DPYD: variants seen among roughly 807,000 people sequenced by gnomAD.
The protein encoded by DPYD is dihydropyrimidine dehydrogenase.
In DPYD, 109 loss-of-function variants were observed where a neutral mutation model predicts 116.2. That is an observed-to-expected ratio of 0.94 (90% confidence interval 0.80 to 1.10). The LOEUF is 1.10. Among genes scored for constraint, DPYD ranks in the 50% least tolerant of loss-of-function variants. The pLI is 0.00. For missense variants in DPYD, 1,302 were observed against 1,254.5 expected (o/e 1.04, Z -0.57); for synonymous variants, 440 against 432.0 (o/e 1.02, Z -0.23).
intron 3 of DPYD, among the ~76,000 whole-genome samples, chr1:97,745,976 T>C (rs1664528707): frequency 6.6e-6 from 1 of 151,986 alleles, no homozygotes; most frequent in Non-Finnish European, 1.5e-5. Flanking sequence ...TACAGTATTA[T>C]CTCTCCTGGA....
chr1:97,844,963 G>A (rs1328099468), intron 2 of DPYD, among the ~76,000 whole-genome samples: 2 of 152,216 alleles, frequency 1.3e-5, no homozygotes, highest in Non-Finnish European at 2.9e-5. Flanking sequence ...CAGCAGTGCT[G>A]ACAGGCCAGC....
chr1:97,911,053 G>A (rs1454080174), intron 1 of DPYD, among the ~76,000 whole-genome samples: 1 of 151,848 alleles, frequency 6.6e-6, no homozygotes, highest in East Asian at 1.9e-4. Context: ...TCACACAAAA[G>A]TTTCACCTAA....
chr1:97,482,497 A>G (rs1678378773), intron 13 of DPYD, among the ~76,000 whole-genome samples: 1 of 152,316 alleles, frequency 6.6e-6, no homozygotes, highest in Non-Finnish European at 1.5e-5. Context: ...GTATACTTAA[A>G]TTCTACCTTT....
At chr1:97,469,069 A>G (rs1472922911) in intron 13 of DPYD, among the ~76,000 whole-genome samples, 1 of 152,192 alleles carries the variant, frequency 6.6e-6, no homozygotes, top group Non-Finnish European at 1.5e-5. Context: ...CCCTCTGTAG[A>G]TAGTCACCAC....
chr1:97,247,926 T>C (rs1179671542), intron 18 of DPYD, among the ~76,000 whole-genome samples: 1 of 152,198 alleles, frequency 6.6e-6, no homozygotes, highest in East Asian at 1.9e-4. Flanking sequence ...TAAATTCTAT[T>C]AAACTAAAGG....
rs533440511 is a variant in DPYD, at chr1:97,720,331, A to G, written c.483+1179T>C. The G allele has an allele frequency of 1.7e-5, 17 of 985,496 alleles. No homozygotes were observed. The South Asian group carries it at 6.6e-4, about 38-fold the overall frequency. The allele number at this position is 985,496 out of a possible 1,614,324, so 61.0% of individuals were successfully genotyped here. ...GTGAAAGCTTGCCCTGGTTTAATGAAGAGGCAATGGGTCCCCAAAGAAAAG... is the reference window on the plus strand; with the variant it reads ...GTGAAAGCTTGCCCTGGTTTAATGAGGAGGCAATGGGTCCCCAAAGAAAAG... On this transcript the variant is annotated intron_variant, in intron 5 of 22. Coordinates refer to ENST00000370192, the MANE Select transcript of DPYD (RefSeq NM_000110.4).
chr1:97,466,943 G>T (rs922670309), intron 13 of DPYD, among the ~76,000 whole-genome samples: 3 of 152,266 alleles, frequency 2.0e-5, no homozygotes, highest in East Asian at 3.9e-4. Flanking sequence ...CCTGCAGTGG[G>T]GGGTGGAGGG....
At chr1:97,212,095 GCCCA>G (rs1660068318) in intron 19 of DPYD, among the ~76,000 whole-genome samples, 1 of 149,330 alleles carries the variant, frequency 6.7e-6, no homozygotes, top group South Asian at 2.2e-4. Flanking sequence ...CATAAAACTC[GCCCA>G]CTATACGTGT....
At chr1:97,248,008 T>G (rs1426570604) in intron 18 of DPYD, among the ~76,000 whole-genome samples, 1 of 152,242 alleles carries the variant, frequency 6.6e-6, no homozygotes, top group Non-Finnish European at 1.5e-5. Context: ...CAACTCATTT[T>G]ATAAAGCCAG....
intron 16 of DPYD, among the ~76,000 whole-genome samples, chr1:97,312,681 T>G (rs1450235968): frequency 6.6e-6 from 1 of 151,802 alleles, no homozygotes; most frequent in African/African-American, 2.4e-5. Flanking sequence ...GTTTTTAAAA[T>G]ATAAATATGT....
intron 20 of DPYD, among the ~76,000 whole-genome samples, chr1:97,166,464 A>G (rs1656335716): frequency 6.6e-6 from 1 of 152,166 alleles, no homozygotes; most frequent in African/African-American, 2.4e-5. Context: ...ACTATTGGGT[A>G]CTAGGACTAG....
In DPYD at chr1:97,522,547, G is replaced by A. The variant is rs535498810; in HGVS notation, c.1525-6606C>T. ...ACCATCCTGGCTATGGTGAAACCCC[G>A]TCTCTACTAAAAATACAAAAAATTA... On this transcript the variant is annotated intron_variant, in intron 12 of 22. Coordinates refer to ENST00000370192, the MANE Select transcript of DPYD (RefSeq NM_000110.4). Among the ~76,000 whole-genome samples, 83 of 151,974 alleles carry A rather than the reference G, an allele frequency of 5.5e-4. 1 individual carries two copies. Among genetic ancestry groups the A allele is most frequent in the Non-Finnish European group, 6.5e-4 (44 of 67,958 alleles).
intron 14 of DPYD, among the ~76,000 whole-genome samples, chr1:97,407,953 G>A (rs1673764988): frequency 1.3e-5 from 2 of 152,152 alleles, no homozygotes; most frequent in Admixed American, 6.6e-5. Flanking sequence ...TAAGAAAGGA[G>A]TTATAGTGTT....
chr1:97,915,521 T>C (rs1558051504), intron 1 of DPYD, among the ~76,000 whole-genome samples: 1 of 152,080 alleles, frequency 6.6e-6, no homozygotes, highest in Non-Finnish European at 1.5e-5. Context: ...TATAATTGGC[T>C]CCAGGATATC....
At chr1:97,417,180 G>T (rs1274714307) in intron 14 of DPYD, among the ~76,000 whole-genome samples, 1 of 152,106 alleles carries the variant, frequency 6.6e-6, no homozygotes, top group Non-Finnish European at 1.5e-5. Flanking sequence ...TAATGTCTTG[G>T]ATAAGTTAAG....
At chr1:97,557,824 A>G (rs973107696) in intron 11 of DPYD, among the ~76,000 whole-genome samples, 11 of 152,196 alleles carry the variant, frequency 7.2e-5, no homozygotes, top group Non-Finnish European at 1.2e-4. Context: ...GCACTTATGG[A>G]TCTCTAGTAC....
chr1:97,761,754 C>A (rs954815647), intron 3 of DPYD, among the ~76,000 whole-genome samples: 13 of 151,914 alleles, frequency 8.6e-5, no homozygotes, highest in African/African-American at 3.1e-4. Flanking sequence ...GTTTAATCAG[C>A]CTAACCACCA....
intron 20 of DPYD, among the ~76,000 whole-genome samples, chr1:97,183,822 C>T (rs369051962): frequency 3.3e-4 from 50 of 152,074 alleles, no homozygotes; most frequent in Non-Finnish European, 3.4e-4. Flanking sequence ...AAGGTAAACT[C>T]GTGTCATGGG....
At chr1:97,677,024 T>C (rs1660180822) in intron 8 of DPYD, among the ~76,000 whole-genome samples, 1 of 152,186 alleles carries the variant, frequency 6.6e-6, no homozygotes, top group East Asian at 1.9e-4. Context: ...ACAACTGTAT[T>C]GTGAACCAGT....
Sources: gnomAD v4.1 joint callset for allele counts (sites outside exome capture counted in the v4.1 genomes callset) on GRCh38, gnomAD v4.1.1 for gene constraint, MANE v1.5 for transcripts, NCBI Gene and HGNC (gene_info 2026-07-23, HGNC 2026-07-21) for gene names.